The following CACNA1I variants were observed in gnomAD, a reference collection of about 807,000 sequenced individuals.
CACNA1I encodes the protein voltage-dependent T-type calcium channel subunit alpha-1I.
In CACNA1I, 74 loss-of-function variants were observed where a neutral mutation model predicts 201.6. That is an observed-to-expected ratio of 0.37 (90% CI 0.30 to 0.45). The LOEUF is 0.45. Among genes scored for constraint, CACNA1I ranks in the 20% least tolerant of loss-of-function variants. CACNA1I has a pLI of 1.00. For missense variants in CACNA1I, 2,346 were observed against 3,138.1 expected, an observed-to-expected ratio of 0.75 and a Z score of 6.03; for synonymous variants, 1,431 against 1,345.2, an observed-to-expected ratio of 1.06 and a Z score of -1.40.
intron 5 of CACNA1I, among the ~76,000 whole-genome samples, chr22:39,635,174 T>G (rs748778696): frequency 1.3e-4 from 20 of 152,220 alleles, no homozygotes; most frequent in Non-Finnish European, 2.6e-4. Context: ...CACACACATG[T>G]ACCTGCGTGT....
rs1935808773 is a variant in CACNA1I, at chr22:39,684,775, G to C, written c.6027+277G>C. Reference sequence around the variant, plus strand: ...AAGAGGCCTGTGATCCCTAGCTTGAGGGGAGGGGAGGAGAGGAGGAGGAGT... The same window carrying C: ...AAGAGGCCTGTGATCCCTAGCTTGACGGGAGGGGAGGAGAGGAGGAGGAGT... On this transcript the variant is annotated intron_variant, in intron 36 of 36. Coordinates refer to ENST00000402142, the MANE Select transcript of CACNA1I (RefSeq NM_021096.4). This position sits in a 1 kb window ranked among gnomAD's most constrained non-coding sequence, Gnocchi z 4.6. 1 of 591,566 alleles carries C rather than the reference G, an allele frequency of 1.7e-6. No individual in the cohort carries two copies. The highest frequency in any genetic ancestry group is 1.9e-5 in the African/African-American group (1 of 53,766). The allele number at this position is 591,566 out of a possible 1,614,324, so 36.6% of individuals were successfully genotyped here. A position where few individuals can be genotyped will look rare whatever the true frequency, so the allele number is the denominator to read the frequency against.
chr22:39,671,506 C>T (rs879503232), intron 26 of CACNA1I, among the ~76,000 whole-genome samples: 6 of 152,132 alleles, frequency 3.9e-5, no homozygotes, highest in Non-Finnish European at 8.8e-5. Context: ...CCATTTCAGG[C>T]AAACACTGGG....
intron 4 of CACNA1I, among the ~76,000 whole-genome samples, chr22:39,625,353 C>T (rs2146400980): frequency 6.6e-6 from 1 of 152,292 alleles, no homozygotes; most frequent in Non-Finnish European, 1.5e-5. Context: ...TTTAAAAATA[C>T]AGCAAAGGCT....
chr22:39,632,294 T>A (rs1934086523), intron 4 of CACNA1I, among the ~76,000 whole-genome samples: 1 of 152,132 alleles, frequency 6.6e-6, no homozygotes, highest in Non-Finnish European at 1.5e-5. Flanking sequence ...GCTCGCCCAT[T>A]CTTTTTTGAA....
At chr22:39,591,018 A>T (rs2413601) in intron 1 of CACNA1I, among the ~76,000 whole-genome samples, 65,455 of 146,958 alleles carry the variant, frequency 0.45, 14,838 homozygotes, top group East Asian at 0.85. Flanking sequence ...TAATTAAAAA[A>T]TTTTTTTTTT....
chr22:39,637,770 T>C (rs1441836512), intron 5 of CACNA1I, among the ~76,000 whole-genome samples: 3 of 152,182 alleles, frequency 2.0e-5, no homozygotes, highest in African/African-American at 7.2e-5. Context: ...TTATCAATCA[T>C]TTTTTTAGCA....
Position 39,685,884 on chromosome 22 carries a change from C to A in CACNA1I, c.6151C>A (p.Pro2051Thr), listed in dbSNP as rs1935847902. The change falls in exon 37 of 37, where the codon CCT becomes ACT. Residue 2051 changes from proline to threonine, a missense_variant. By Grantham distance (38) the Pro-to-Thr change is conservative. Around this residue, in one of 13 missense-constraint regions of CACNA1I, gnomAD observed 441 missense variants for 555.6 expected, o/e 0.79. Coordinates refer to ENST00000402142, the MANE Select transcript of CACNA1I (RefSeq NM_021096.4). This position sits in a 1 kb window ranked among gnomAD's most constrained non-coding sequence, Gnocchi z 5.0. ...CCGGCGTGCCCTGGGGCCGCCCGCG[C>A]CTGCTCCAGGACCCCGGGCCGGCCT... is the stretch of plus-strand genomic sequence containing the variant. ...SPRRALGPPA[P>T]APGPRAGLSP... is the part of the protein sequence containing the mutation. 6.9e-7 allele frequency: 1 copy of A among 1,457,798 alleles called. No individual in the cohort carries two copies. The highest frequency in any genetic ancestry group is 2.4e-4 in the Middle Eastern group (1 of 4,154). 90.3% of individuals were successfully genotyped at this position (1,457,798 alleles called of 1,614,324 possible).
intron 28 of CACNA1I, among the ~76,000 whole-genome samples, chr22:39,673,757 C>T (rs747653450): frequency 5.3e-5 from 8 of 152,342 alleles, no homozygotes; most frequent in East Asian, 1.9e-4. Flanking sequence ...GTGACACCCA[C>T]GCCTTGTGTC....
intron 31 of CACNA1I, 28 bp from the exon 32 acceptor site, chr22:39,679,079 C>T: frequency 6.5e-7 from 1 of 1,538,062 alleles, no homozygotes; most frequent in East Asian, 2.4e-5. Flanking sequence ...TCTCCGTCCT[C>T]ATCCTCACCG....
rs1431972051 is a variant in CACNA1I at position 39,684,595 on chromosome 22, C to G, written c.6027+97C>G. On this transcript the variant is annotated intron_variant, in intron 36 of 36. Coordinates refer to ENST00000402142, the MANE Select transcript of CACNA1I (RefSeq NM_021096.4). This position sits in a 1 kb window ranked among gnomAD's most constrained non-coding sequence, Gnocchi z 4.6. ...TCCAAGGGACTGGGAGGGGAAGGACCCAACCAAAGGCCGAGGGCACCACCG... is the reference window on the plus strand; with the variant it reads ...TCCAAGGGACTGGGAGGGGAAGGACGCAACCAAAGGCCGAGGGCACCACCG... 1.5e-6 allele frequency: 2 copies of G among 1,356,130 alleles called. No homozygotes were observed. Among genetic ancestry groups the G allele is most frequent in the Non-Finnish European group, 2.1e-6 (2 of 971,808 alleles). The allele number at this position is 1,356,130 out of a possible 1,614,324, so 84.0% of individuals were successfully genotyped here.
chr22:39,670,171 C>T lies in CACNA1I; in HGVS notation c.4328C>T (p.Ala1443Val), dbSNP rs1189313920. 23 of 1,613,878 alleles carry T rather than the reference C, an allele frequency of 1.4e-5. No homozygotes were observed. The highest frequency in any genetic ancestry group is 1.9e-5 in the Non-Finnish European group (22 of 1,179,880). Residue 1443 changes from alanine to valine, a missense_variant, in exon 25 of 37, where the codon GCT becomes GTT. By Grantham distance (64) the Ala-to-Val change is moderately conservative (BLOSUM62 0). Transcript: ENST00000402142. ...NFHKCRQHQE[A>V]EEARRREEKR... ...CACAAGTGCCGGCAGCACCAGGAGG[C>T]TGAAGAGGCACGGCGGCGTGAGGAG...
rs1490395119 is a variant in CACNA1I, at chr22:39,672,936, C to A, written c.4650-13C>A. The A allele has an allele frequency of 6.2e-7, 1 of 1,609,532 alleles. No homozygotes were observed. Among genetic ancestry groups the A allele is most frequent in the Non-Finnish European group, 8.5e-7 (1 of 1,177,502 alleles). Reference sequence around the variant, plus strand: ...TCATGCCCACTCCTGCCCTCCCATGCACGGCTGAGCAGATGGAACCAGCTG... The same window carrying A: ...TCATGCCCACTCCTGCCCTCCCATGAACGGCTGAGCAGATGGAACCAGCTG... On this transcript the variant is annotated splice_polypyrimidine_tract_variant and intron_variant, in intron 27 of 36. Transcript: ENST00000402142.
In CACNA1I at chr22:39,679,836, G is replaced by A. The variant is rs746682458; in HGVS notation, c.5509G>A (p.Gly1837Ser). 2.4e-5 allele frequency: 38 copies of A among 1,612,586 alleles called. No homozygotes were observed. Among genetic ancestry groups the A allele is most frequent in the African/African-American group, 1.2e-4 (9 of 74,922 alleles). ...CTTCCACCACTACTCCTCGCCTGCC[G>A]GCTGCAAGAAGTGTCACCACGACAA... ...SIFHHYSSPA[G>S]CKKCHHDKQE... Residue 1837 changes from glycine to serine, a missense_variant, in exon 33 of 37, where the codon GGC (glycine) becomes AGC (serine). Physicochemically the swap from Gly to Ser is moderately conservative, Grantham distance 56. This residue lies in a region of CACNA1I where 441 missense variants were observed against 555.6 expected (regional missense o/e 0.79). Coordinates refer to ENST00000402142, the MANE Select transcript of CACNA1I (RefSeq NM_021096.4).
At chr22:39,620,893 G>A (rs1933725044) in intron 4 of CACNA1I, among the ~76,000 whole-genome samples, 1 of 152,122 alleles carries the variant, frequency 6.6e-6, no homozygotes, top group Non-Finnish European at 1.5e-5. Context: ...GAGTAGCTGG[G>A]ACTACAGGCA....
At chr22:39,583,070 ATCC>A (rs1932619151) in intron 1 of CACNA1I, among the ~76,000 whole-genome samples, 1 of 149,220 alleles carries the variant, frequency 6.7e-6, no homozygotes, top group Non-Finnish European at 1.5e-5. Flanking sequence ...CCATCCATCC[ATCC>A]ATCCATCCAA....
intron 5 of CACNA1I, among the ~76,000 whole-genome samples, chr22:39,636,685 C>T (rs1299291758): frequency 1.3e-5 from 2 of 152,198 alleles, no homozygotes; most frequent in African/African-American, 4.8e-5. Flanking sequence ...AAAGAGGCAG[C>T]AAGATCTCTT....
chr22:39,580,298 T>TC (rs1932506249), intron 1 of CACNA1I, among the ~76,000 whole-genome samples: 1 of 152,198 alleles, frequency 6.6e-6, no homozygotes, highest in African/African-American at 2.4e-5. Flanking sequence ...AAGTTGTTTT[T>TC]CTCAGAAATA....
intron 3 of CACNA1I, among the ~76,000 whole-genome samples, chr22:39,608,651 C>T (rs1166589792): frequency 6.8e-6 from 1 of 146,122 alleles, no homozygotes; most frequent in East Asian, 2.1e-4. Flanking sequence ...CCAGCCTGGG[C>T]AACATGGTGA....
chr22:39,641,038 G>A lies in CACNA1I; in HGVS notation c.912G>A (p.Gly304=). ...CLSKDDVYDF[G]AGRQDLNASG... ...CCAAGGACGACGTCTACGACTTTGG[G>A]GCGGGGCGCCAGGACCTCAATGCCA... The change falls in exon 6 of 37, where the codon GGG becomes GGA. Residue 304 remains glycine, a synonymous_variant. Coordinates refer to ENST00000402142, the MANE Select transcript of CACNA1I (RefSeq NM_021096.4). 1.2e-6 allele frequency: 2 copies of A among 1,614,054 alleles called. No homozygotes were observed. The highest frequency in any genetic ancestry group is 1.6e-4 in the Middle Eastern group (1 of 6,062).
Sources: allele counts gnomAD v4.1 joint callset (sites outside exome capture counted in the v4.1 genomes callset), GRCh38; gene constraint gnomAD v4.1.1; regional missense constraint gnomAD v4.1.1; non-coding constraint Gnocchi (gnomAD v3.1); transcripts MANE v1.5; gene names NCBI Gene and HGNC (gene_info 2026-07-23, HGNC 2026-07-21).